The following COMMD1 variants were observed in gnomAD, a reference collection of about 807,000 sequenced individuals.
The protein encoded by COMMD1 is COMM domain-containing protein 1.
COMMD1 carries 10 observed loss-of-function variants against 17.2 expected under a neutral mutation model. The ratio of observed to expected loss-of-function variants is 0.58; its 90% CI spans 0.36 to 0.99. COMMD1 has a LOEUF of 0.99. Ranked by LOEUF, COMMD1 falls within the 50% of genes least tolerant of loss-of-function variation. COMMD1 has a pLI of 0.01. For missense variants in COMMD1, 270 were observed against 231.8 expected (o/e 1.17, Z -1.07); for synonymous variants, 97 against 91.6 (o/e 1.06, Z -0.34).
At chr2:62,086,359 A>T (rs999045201) in intron 2 of COMMD1, among the ~76,000 whole-genome samples, 1 of 152,094 alleles carries the variant, frequency 6.6e-6, no homozygotes, top group South Asian at 2.1e-4. Context: ...AATACAAAAA[A>T]AATTAGCCAG....
At position 61,952,207 on chromosome 2, in the gene COMMD1, T is replaced by C. The variant is rs142415872; in HGVS notation, c.180+46349T>C. On this transcript the variant is annotated intron_variant, in intron 1 of 2. Coordinates refer to ENST00000311832, the MANE Select transcript of COMMD1 (RefSeq NM_152516.4). ...ACCTGAAAGCAAGGATAATATTCCT[T>C]TCCTAAAACTTAACCCCTTCCTTGT... Among the ~76,000 whole-genome samples the C allele has an allele frequency of 5.0e-3, 769 of 152,330 alleles. 9 individuals carry two copies. Among genetic ancestry groups the C allele is most frequent in the African/African-American group, 0.017 (688 of 41,562 alleles).
intron 1 of COMMD1, among the ~76,000 whole-genome samples, chr2:61,890,831 A>C (rs1669413145): frequency 7.0e-6 from 1 of 143,618 alleles, no homozygotes; most frequent in Admixed American, 7.0e-5. Context: ...TGTCTCAAAA[A>C]AAAAAAAAAA....
chr2:62,000,699 A>G lies in COMMD1; in HGVS notation c.181-2A>G. The G allele has an allele frequency of 6.2e-7, 1 of 1,614,026 alleles. No individual in the cohort carries two copies. The highest frequency in any genetic ancestry group is 2.2e-5 in the East Asian group (1 of 44,880). ...TTTTTGCTTTTTCTGTCATCTTTAT[A>G]GTCTATTGCGTCTGCAGACATGGAT... On this transcript the variant is annotated splice_acceptor_variant, in intron 1 of 2. Coordinates refer to ENST00000311832, the MANE Select transcript of COMMD1 (RefSeq NM_152516.4). LOFTEE classifies it high-confidence loss of function.
chr2:61,969,893 A>G (rs576698409), intron 1 of COMMD1, among the ~76,000 whole-genome samples: 36 of 152,126 alleles, frequency 2.4e-4, no homozygotes, highest in African/African-American at 8.4e-4. Context: ...ATCCAGCAAT[A>G]TGTTTTTTTT....
At chr2:61,985,113 C>T (rs757155591) in intron 1 of COMMD1, among the ~76,000 whole-genome samples, 85 of 150,624 alleles carry the variant, frequency 5.6e-4, no homozygotes, top group Non-Finnish European at 1.0e-3. Context: ...TGCGGTGGCA[C>T]GATCTCGGCT....
intron 2 of COMMD1, among the ~76,000 whole-genome samples, chr2:62,065,225 C>G (rs1187134593): frequency 6.6e-6 from 1 of 151,664 alleles, no homozygotes; most frequent in Non-Finnish European, 1.5e-5. Context: ...GGCGATGAAG[C>G]TTGAAATTCT....
intron 1 of COMMD1, chr2:61,888,894 T>G: frequency 6.5e-6 from 1 of 154,964 alleles, no homozygotes; most frequent in Non-Finnish European, 1.3e-5. Flanking sequence ...TGAGGTCCCC[T>G]CCTTTTTTTT....
At chr2:61,932,997 CACAA>C (rs1670508188) in intron 1 of COMMD1, among the ~76,000 whole-genome samples, 1 of 152,048 alleles carries the variant, frequency 6.6e-6, no homozygotes, top group African/African-American at 2.4e-5. Flanking sequence ...AATCAGGTCA[CACAA>C]ACAGATTGAA....
chr2:62,017,086 C>G (rs752891473), intron 2 of COMMD1, among the ~76,000 whole-genome samples: 8 of 152,194 alleles, frequency 5.3e-5, no homozygotes, highest in Non-Finnish European at 1.2e-4. Flanking sequence ...GTGGTAGTCT[C>G]TAGGAACCAG....
chr2:62,009,723 A>G (rs1170897709), intron 2 of COMMD1, among the ~76,000 whole-genome samples: 1 of 152,182 alleles, frequency 6.6e-6, no homozygotes, highest in Non-Finnish European at 1.5e-5. Context: ...TTGAAATTCA[A>G]GCTAACTCTG....
rs1387955693 is a variant in COMMD1 at position 61,919,589 on chromosome 2, CACAG to C, written c.180+13736_180+13739del. On this transcript the variant is annotated intron_variant, in intron 1 of 2. Transcript: ENST00000311832. ...AGTAGAGAACCAGTTTTTATCTATT[CACAG>C]ACAGGTTGATTTGACAAGTTTTATA... 6.4e-5 allele frequency among the ~76,000 whole-genome samples: 8 copies of C among 124,936 alleles called. No individual in the cohort carries two copies. The Admixed American group carries it at 7.6e-4, about 12-fold the overall frequency. The allele number at this position is 124,936 out of a possible 152,430, so 82.0% of individuals were successfully genotyped here. A position where few individuals can be genotyped will look rare whatever the true frequency, so the allele number is the denominator to read the frequency against.
intron 1 of COMMD1, among the ~76,000 whole-genome samples, chr2:61,992,182 G>T (rs1672269176): frequency 6.6e-6 from 1 of 152,066 alleles, no homozygotes; most frequent in African/African-American, 2.4e-5. Flanking sequence ...GTGTTGTATT[G>T]GTAGGTAAGA....
intron 2 of COMMD1, among the ~76,000 whole-genome samples, chr2:62,093,517 A>G (rs1055270386): frequency 6.6e-6 from 1 of 152,204 alleles, no homozygotes; most frequent in Non-Finnish European, 1.5e-5. Context: ...TGGGTCAAAC[A>G]TAACTCCCTT....
chr2:61,960,113 A>G (rs570006661), intron 1 of COMMD1, among the ~76,000 whole-genome samples: 354 of 150,230 alleles, frequency 2.4e-3, no homozygotes, highest in Non-Finnish European at 3.8e-3. Context: ...TTTGGAATAT[A>G]TGTGTGTGTG....
intron 1 of COMMD1, among the ~76,000 whole-genome samples, chr2:61,933,290 C>T (rs966021271): frequency 3.3e-5 from 5 of 151,866 alleles, no homozygotes; most frequent in East Asian, 1.9e-4. Context: ...ATTGCTTAGC[C>T]GCTTGTATCC....
chr2:62,044,449 T>A (rs1319780730), intron 2 of COMMD1, among the ~76,000 whole-genome samples: 1 of 152,222 alleles, frequency 6.6e-6, no homozygotes, highest in Non-Finnish European at 1.5e-5. Context: ...TTTACTGATT[T>A]CTGTGTTGAC....
intron 1 of COMMD1, among the ~76,000 whole-genome samples, chr2:61,960,321 T>C (rs1671307449): frequency 6.6e-6 from 1 of 152,224 alleles, no homozygotes; most frequent in Non-Finnish European, 1.5e-5. Flanking sequence ...GCAGTCTTTC[T>C]GAATACAGTG....
chr2:61,981,962 C>T (rs1184832908), intron 1 of COMMD1, among the ~76,000 whole-genome samples: 1 of 151,998 alleles, frequency 6.6e-6, no homozygotes, highest in South Asian at 2.1e-4. Flanking sequence ...ATAGCTTTGG[C>T]GATTCTGGGT....
chr2:61,964,838 A>C (rs1414955759), intron 1 of COMMD1, among the ~76,000 whole-genome samples: 1 of 152,156 alleles, frequency 6.6e-6, no homozygotes, highest in Non-Finnish European at 1.5e-5. Context: ...ATGCCACTGC[A>C]CTCTAGCCTG....
Sources: gnomAD v4.1 joint callset for allele counts (sites outside exome capture counted in the v4.1 genomes callset) on GRCh38, gnomAD v4.1.1 for gene constraint, MANE v1.5 for transcripts, NCBI Gene and HGNC (gene_info 2026-07-23, HGNC 2026-07-21) for gene names.